Variants in PQBP1 observed in about 807,000 individuals in gnomAD.
PQBP1 encodes polyglutamine binding protein 1.
In PQBP1, 3 loss-of-function variants were observed where a neutral mutation model predicts 20.9. The ratio of observed to expected loss-of-function variants is 0.14; its 90% CI spans 0.07 to 0.37. The LOEUF is 0.37. Among genes scored for constraint, PQBP1 ranks in the 10% least tolerant of loss-of-function variants. The pLI is 1.00. For synonymous variants in PQBP1, 83 were observed against 93.8 expected, an observed-to-expected ratio of 0.88 and a Z score of 0.67; for missense variants, 162 against 240.3, an observed-to-expected ratio of 0.67 and a Z score of 2.16.
At chrX:48,898,601 C>T (rs1557040263) in intron 2 of PQBP1, 25 bp downstream of exon 2, 2 of 1,196,259 alleles carry the variant, frequency 1.7e-6, no homozygotes, top group East Asian at 3.0e-5. Context: ...AGCAGATGGT[C>T]CTAACACGTG....
chrX:48,902,538 C>T, intron 5 of PQBP1, 21 bp downstream of exon 5: 16 of 1,197,073 alleles, frequency 1.3e-5, no homozygotes, highest in Non-Finnish European at 1.7e-5. Flanking sequence ...CAGAATGGGG[C>T]TCGGTGAGAC....
intron 2 of PQBP1, among the ~76,000 whole-genome samples, chrX:48,899,216 A>T (rs945646958): frequency 1.8e-5 from 2 of 110,605 alleles, no homozygotes; most frequent in Non-Finnish European, 3.8e-5. Context: ...ACCTCAGGTG[A>T]TCCACCCCCC....
chrX:48,898,269 C>G (rs1028779263), intron 1 of PQBP1, 187 bp downstream of exon 1: 2 of 706,520 alleles, frequency 2.8e-6, no homozygotes, highest in Non-Finnish European at 4.3e-6. Flanking sequence ...GGAACAGGGC[C>G]CTGGAGCACC....
intron 1 of PQBP1, 39 bp from the exon 2 acceptor site, chrX:48,898,451 CTT>C: frequency 8.8e-7 from 1 of 1,137,995 alleles, no homozygotes; most frequent in Non-Finnish European, 1.2e-6. Flanking sequence ...AGATAGGAAT[CTT>C]TATCTGAGCT....
chrX:48,901,814 G>C (rs1557041197), intron 3 of PQBP1, 116 bp from the exon 4 acceptor site: 3 of 1,125,863 alleles, frequency 2.7e-6, no homozygotes, highest in Non-Finnish European at 3.6e-6. Flanking sequence ...AGATTCTGGG[G>C]ATCCTGCCTG....
rs782031357 is a variant in PQBP1 at position 48,902,656 on chromosome X, C to T, written c.578-76C>T. Reference sequence around the variant, plus strand: ...TACATGGCAGCCAGGGGCTTCATTTCTTCTTGTGGGGTGGGGCTCAGTGAT... The same window carrying T: ...TACATGGCAGCCAGGGGCTTCATTTTTTCTTGTGGGGTGGGGCTCAGTGAT... On this transcript the variant is annotated intron_variant, in intron 5 of 6. Transcript: ENST00000447146. The T allele has an allele frequency of 2.9e-4, 338 of 1,153,759 alleles. 2 individuals are homozygous for T. The South Asian group carries it at 6.0e-3, about 21-fold the overall frequency.
rs2063334042 is a variant in PQBP1, at chrX:48,898,000, G to A, written c.-101G>A. ...TCTCATTCGGTGTTTTGGGAAGAGA[G>A]TCGTGTGGGCCCAGGTATCGTAGCG... is the stretch of plus-strand genomic sequence containing the variant. On this transcript the variant is annotated 5_prime_UTR_variant, in exon 1 of 7. Transcript: ENST00000447146. 1 of 973,910 alleles carries A rather than the reference G, an allele frequency of 1.0e-6. No homozygotes were observed. Among genetic ancestry groups the A allele is most frequent in the Non-Finnish European group, 1.3e-6 (1 of 741,996 alleles). The allele number at this position is 973,910 out of a possible 1,213,427, so 80.3% of individuals were successfully genotyped here. A position where few individuals can be genotyped will look rare whatever the true frequency, so the allele number is the denominator to read the frequency against.
At chrX:48,899,940 TGTG>T (rs782734645) in intron 2 of PQBP1, among the ~76,000 whole-genome samples, 1 of 111,943 alleles carries the variant, frequency 8.9e-6, no homozygotes, top group Non-Finnish European at 1.9e-5. Flanking sequence ...GTATAGACCT[TGTG>T]GTTAATAAAA....
Position 48,902,915 on chromosome X carries a change from C to CT in PQBP1, c.642-10dup. The CT allele has an allele frequency of 2.5e-6, 3 of 1,194,973 alleles. No homozygotes were observed. Among genetic ancestry groups the CT allele is most frequent in the Non-Finnish European group, 3.4e-6 (3 of 886,987 alleles). ...CATCACCCATCCCCATCCCCTGACT[C>CT]TTTCACCGGCAGGGGCACGTGGTCA... On this transcript the variant is annotated splice_polypyrimidine_tract_variant and intron_variant, in intron 6 of 6. Transcript: ENST00000447146.
Position 48,900,386 on chromosome X carries a change from C to T in PQBP1, c.68-804C>T, listed in dbSNP as rs144443691. The stretch of plus-strand genomic sequence containing the variant: ...TTGGCCCACTGCAACCTCTGCCTCC[C>T]GGGTTCAAGCGATTCTCCTGCCTCA... On this transcript the variant is annotated intron_variant, in intron 2 of 6. Coordinates refer to ENST00000447146, the MANE Select transcript of PQBP1 (RefSeq NM_001032382.2). 6.5e-3 allele frequency among the ~76,000 whole-genome samples: 595 copies of T among 91,644 alleles called. 10 individuals are homozygous for T. Among genetic ancestry groups the T allele is most frequent in the African/African-American group, 0.023 (575 of 24,705 alleles). The allele number at this position is 91,644 out of a possible 115,157, so 79.6% of individuals were successfully genotyped here.
chrX:48,900,780 A>G (rs1557040889), intron 2 of PQBP1, among the ~76,000 whole-genome samples: 1 of 108,860 alleles, frequency 9.2e-6, no homozygotes, highest in Admixed American at 9.8e-5. Flanking sequence ...AGTCTCACAG[A>G]CGGGTTTTCA....
chrX:48,899,960 A>G (rs782154007), intron 2 of PQBP1, among the ~76,000 whole-genome samples: 5 of 112,292 alleles, frequency 4.5e-5, no homozygotes, highest in South Asian at 7.4e-4. Flanking sequence ...AAAATTGTCA[A>G]TGATCCCAGG....
At chrX:48,900,284 CTTTTTTTTTTTTTTTTT>C (rs1162086780) in intron 2 of PQBP1, among the ~76,000 whole-genome samples, 1 of 32,474 alleles carries the variant, frequency 3.1e-5, no homozygotes, top group African/African-American at 1.3e-4. Context: ...CATTGATTTA[CTTTTTTTTTTTTTTTTT>C]TTTTTTTTTT....
chrX:48,902,162 G>A (rs955237154), intron 4 of PQBP1, 71 bp from the exon 5 acceptor site: 111 of 1,206,364 alleles, frequency 9.2e-5, no homozygotes, highest in Middle Eastern at 2.3e-4. Context: ...CTCAGGCAAG[G>A]GAGGTTGTTG....
chrX:48,902,933 C>G lies in PQBP1; in HGVS notation c.647C>G (p.Thr216Arg). 2 of 1,197,345 alleles carry G rather than the reference C, an allele frequency of 1.7e-6. No homozygotes were observed. Among genetic ancestry groups the G allele is most frequent in the Non-Finnish European group, 2.3e-6 (2 of 888,535 alleles). Residue 216 changes from threonine (T) to arginine (R), a missense_variant, in exon 7 of 7, where the codon ACG becomes AGG. Transcript: ENST00000447146. ...CCTGACTCTTTCACCGGCAGGGGCA[C>G]GTGGTCAACAGGACTCCCCAAGCGG... ...PSSYSDAPRG[T>R]WSTGLPKRNE...
intron 3 of PQBP1, 96 bp downstream of exon 3, chrX:48,901,397 G>A: frequency 6.9e-6 from 8 of 1,159,693 alleles, no homozygotes; most frequent in Non-Finnish European, 9.2e-6. Context: ...GGGAGCCTCG[G>A]GTGGAGGGTG....
chrX:48,902,601 T>G, intron 5 of PQBP1, 84 bp downstream of exon 5: 1 of 1,162,695 alleles, frequency 8.6e-7, no homozygotes, highest in Non-Finnish European at 1.2e-6. Flanking sequence ...AAAAGATGCC[T>G]GGACCTGGGG....
intron 2 of PQBP1, among the ~76,000 whole-genome samples, chrX:48,898,785 CTTTTTTTTTTTTTTTTTT>C (rs34214032): frequency 1.6e-3 from 34 of 21,483 alleles, no homozygotes; most frequent in African/African-American, 2.6e-3. Flanking sequence ...ATATTTCATT[CTTTTTTTTTTTTTTTTTT>C]TTTTTTTTTT....
rs199778115 is a variant in PQBP1 at position 48,903,081 on chromosome X, T to A, written c.795T>A (p.Asp265Glu). The A allele has an allele frequency of 5.8e-6, 7 of 1,205,022 alleles. No individual in the cohort carries two copies. The South Asian group carries it at 1.3e-4, about 22-fold the overall frequency. The change falls in exon 7 of 7, where the codon GAT (aspartate) becomes GAA (glutamate). Residue 265 changes from aspartate to glutamate, a missense_variant. Asp to Glu is a conservative substitution (Grantham distance 45). Coordinates refer to ENST00000447146, the MANE Select transcript of PQBP1 (RefSeq NM_001032382.2). ...NAEASRTKQQ[D>E] The stretch of plus-strand genomic sequence containing the variant: ...AGGCCTCCCGAACCAAGCAGCAGGA[T>A]TGAAGCTTCGGCCTCCCTGGCCCTG...
Sources: allele counts gnomAD v4.1 joint callset (sites outside exome capture counted in the v4.1 genomes callset), GRCh38; gene constraint gnomAD v4.1.1; transcripts MANE v1.5; gene names NCBI Gene and HGNC (gene_info 2026-07-23, HGNC 2026-07-21).